Variants in SLC30A8 observed in about 807,000 individuals in gnomAD.
The protein encoded by SLC30A8 is proton-coupled zinc antiporter SLC30A8.
A neutral mutation model predicts 36.9 loss-of-function variants in SLC30A8; 27 were observed. The observed-to-expected ratio is 0.73, with a 90% CI of 0.54 to 1.01. The LOEUF (loss-of-function observed/expected upper bound fraction) is 1.01, where lower values mean the gene tolerates loss of function less well. Ranked by LOEUF, SLC30A8 falls within the 50% of genes least tolerant of loss-of-function variation. The probability of loss-of-function intolerance (pLI) is 0.00; values close to 1 mark genes in which losing one functional copy is unlikely to be tolerated. For synonymous variants in SLC30A8, 164 were observed against 172.4 expected (o/e 0.95, Z 0.38); for missense variants, 439 against 452.0 (o/e 0.97, Z 0.26).
intron 2 of SLC30A8, among the ~76,000 whole-genome samples, chr8:117,081,541 T>A (rs931083941): frequency 6.6e-6 from 1 of 152,176 alleles, no homozygotes. Context: ...TACAGTCATG[T>A]TGAGGCTAGG....
chr8:116,980,436 C>A (rs1815213075), intron 1 of SLC30A8, among the ~76,000 whole-genome samples: 1 of 152,100 alleles, frequency 6.6e-6, no homozygotes, highest in African/African-American at 2.4e-5. Flanking sequence ...TCTCATCCCA[C>A]AGGAAGTTCT....
chr8:117,061,983 C>A (rs1214480181), intron 2 of SLC30A8, among the ~76,000 whole-genome samples: 1 of 152,196 alleles, frequency 6.6e-6, no homozygotes, highest in East Asian at 1.9e-4. Flanking sequence ...ACAGGACCAA[C>A]TTCTTTTCTG....
chr8:117,088,042 GAGGGAAGGAGAAAGGGAGGAGGGACA>G (rs1471842284), intron 2 of SLC30A8, among the ~76,000 whole-genome samples: 1 of 151,882 alleles, frequency 6.6e-6, no homozygotes, highest in Non-Finnish European at 1.5e-5. Context: ...TGAATGGAGA[GAGGGAAGGAGAAAGGGAGGAGGGACA>G]AGGGAAGGAG....
intron 1 of SLC30A8, among the ~76,000 whole-genome samples, chr8:116,964,442 T>C (rs1291938913): frequency 2.0e-5 from 3 of 152,214 alleles, no homozygotes; most frequent in Admixed American, 1.3e-4. Context: ...TTGAACTATT[T>C]TGTGGCTCTA....
chr8:117,004,418 A>G (rs1015541770), intron 1 of SLC30A8, among the ~76,000 whole-genome samples: 11 of 152,240 alleles, frequency 7.2e-5, no homozygotes, highest in African/African-American at 2.7e-4. Flanking sequence ...TAAGCTGAGC[A>G]TATAGATGCT....
intron 2 of SLC30A8, among the ~76,000 whole-genome samples, chr8:117,058,368 A>C (rs1817930612): frequency 6.6e-6 from 1 of 152,130 alleles, no homozygotes; most frequent in Admixed American, 6.6e-5. Flanking sequence ...TTTGCTATGC[A>C]AAAACTTTCT....
At chr8:117,135,493 C>A in intron 1 of SLC30A8, 95 bp downstream of exon 1, 1 of 857,212 alleles carries the variant, frequency 1.2e-6, no homozygotes, top group Non-Finnish European at 1.7e-6. Flanking sequence ...CTTTACTCTG[C>A]AACTTGGGGG....
At chr8:117,151,824 T>C (rs1822204293) in intron 2 of SLC30A8, among the ~76,000 whole-genome samples, 2 of 152,302 alleles carry the variant, frequency 1.3e-5, no homozygotes, top group Admixed American at 1.3e-4. Context: ...AGAGGATAAT[T>C]GGAAGGACAG....
chr8:117,076,652 G>A (rs756605575), intron 2 of SLC30A8, among the ~76,000 whole-genome samples: 2 of 152,060 alleles, frequency 1.3e-5, no homozygotes, highest in South Asian at 4.1e-4. Context: ...TTTAGGTTGG[G>A]ATTCAGTTAC....
chr8:117,008,591 C>T (rs1325157209), intron 1 of SLC30A8, among the ~76,000 whole-genome samples: 2 of 152,170 alleles, frequency 1.3e-5, no homozygotes, highest in Non-Finnish European at 2.9e-5. Flanking sequence ...ATCTGCAATC[C>T]AGAGTGGACT....
intron 2 of SLC30A8, among the ~76,000 whole-genome samples, chr8:117,063,031 A>G (rs1221594565): frequency 2.6e-5 from 4 of 152,196 alleles, no homozygotes; most frequent in African/African-American, 9.7e-5. Context: ...ATAATGCTTA[A>G]TGACTTCGAG....
intron 2 of SLC30A8, among the ~76,000 whole-genome samples, chr8:117,109,638 A>G (rs1820138830): frequency 6.6e-6 from 1 of 152,166 alleles, no homozygotes; most frequent in South Asian, 2.1e-4. Context: ...TATTTAATGA[A>G]TGGCCCCTTA....
At chr8:117,058,215 G>T (rs759955584) in intron 2 of SLC30A8, among the ~76,000 whole-genome samples, 34 of 151,980 alleles carry the variant, frequency 2.2e-4, no homozygotes, top group Non-Finnish European at 2.9e-5. Context: ...CATGTCCTTT[G>T]TCCATTTTTA....
In SLC30A8 at chr8:116,973,862, A is replaced by C. The variant is rs189198192; in HGVS notation, c.-266+22743A>C. 8.2e-4 allele frequency among the ~76,000 whole-genome samples: 125 copies of C among 152,266 alleles called. 2 individuals are homozygous for C. Among genetic ancestry groups the C allele is most frequent in the Admixed American group, 8.0e-3 (122 of 15,280 alleles). On this transcript the variant is annotated intron_variant, in intron 1 of 10. Coordinates refer to the SLC30A8 transcript ENST00000427715. The stretch of plus-strand genomic sequence containing the variant: ...AGAGATATAGACCAATGGAACAGAA[A>C]AGAGCTCTCAGAAATAATACCACAC...
chr8:116,973,854 G>A (rs556439772), intron 1 of SLC30A8, among the ~76,000 whole-genome samples: 3 of 152,218 alleles, frequency 2.0e-5, no homozygotes, highest in East Asian at 1.9e-4. Context: ...TAGACCAATG[G>A]AACAGAAAAG....
chr8:117,162,261 G>A (rs947983921), intron 5 of SLC30A8, among the ~76,000 whole-genome samples: 3 of 152,154 alleles, frequency 2.0e-5, no homozygotes, highest in African/African-American at 7.2e-5. Context: ...TGAAATAAAT[G>A]TGTCTCAACA....
Position 117,035,459 on chromosome 8 carries a change from A to T in SLC30A8, c.-265-3760A>T, listed in dbSNP as rs1048069724. Among the ~76,000 whole-genome samples the T allele has an allele frequency of 9.8e-5, 15 of 152,366 alleles. No homozygotes were observed. The East Asian group carries it at 2.5e-3, about 26-fold the overall frequency. ...TATCACATCCAGGGCATGCTGATGC[A>T]AGGCGTGGGCTCCCACAGCCTTGGG... On this transcript the variant is annotated intron_variant, in intron 1 of 10. Coordinates refer to the SLC30A8 transcript ENST00000427715.
At chr8:117,120,066 A>G (rs763058467) in intron 2 of SLC30A8, among the ~76,000 whole-genome samples, 12 of 152,054 alleles carry the variant, frequency 7.9e-5, no homozygotes, top group South Asian at 6.2e-4. Context: ...AACAAATTCA[A>G]TGCAATTTCT....
chr8:117,077,627 T>C (rs952401921), intron 2 of SLC30A8, among the ~76,000 whole-genome samples: 4 of 152,222 alleles, frequency 2.6e-5, no homozygotes, highest in African/African-American at 7.2e-5. Context: ...ATTGATGGCA[T>C]TTTATATTAT....
Sources: allele counts gnomAD v4.1 joint callset (sites outside exome capture counted in the v4.1 genomes callset), GRCh38; gene constraint gnomAD v4.1.1; transcripts MANE v1.5; gene names NCBI Gene and HGNC (gene_info 2026-07-23, HGNC 2026-07-21).